Variants in UST observed in about 807,000 individuals in gnomAD.
The protein encoded by UST is chondroitin sulfate 2-O-sulfotransferase.
UST carries 21 observed loss-of-function variants against 45.6 expected under a neutral mutation model. That is an observed-to-expected ratio of 0.46 (90% CI 0.33 to 0.66). The LOEUF (loss-of-function observed/expected upper bound fraction) is 0.66, where lower values mean the gene tolerates loss of function less well. Among genes scored for constraint, UST ranks in the 30% least tolerant of loss-of-function variants. The pLI is 0.02. For synonymous variants in UST, 215 were observed against 200.6 expected, an observed-to-expected ratio of 1.07 and a Z score of -0.61; for missense variants, 463 against 512.4, an observed-to-expected ratio of 0.90 and a Z score of 0.93.
At chr6:149,030,245 C>T (rs9377188) in intron 7 of UST, among the ~76,000 whole-genome samples, 108,655 of 152,076 alleles carry the variant, frequency 0.71, 39,498 homozygotes, top group African/African-American at 0.83. Context: ...AAACATAAAT[C>T]TGTGATTCCT....
chr6:148,747,115 G>T lies in UST; in HGVS notation c.-316G>T, dbSNP rs1482248832. On this transcript the variant is annotated 5_prime_UTR_variant, in exon 1 of 8. Coordinates refer to ENST00000367463, the MANE Select transcript of UST (RefSeq NM_005715.3). The stretch of plus-strand genomic sequence containing the variant: ...ACGCTGGCGCTGGAGGCGAGCCCCG[G>T]CGGCCGCAAGCGAGCCCGAGGCGCG... 6.6e-6 allele frequency among the ~76,000 whole-genome samples: 1 copy of T among 150,542 alleles called. No homozygotes were observed. The highest frequency in any genetic ancestry group is 1.5e-5 in the Non-Finnish European group (1 of 67,400).
intron 4 of UST, among the ~76,000 whole-genome samples, chr6:148,959,251 T>C (rs1394086141): frequency 6.6e-6 from 1 of 152,240 alleles, no homozygotes; most frequent in Non-Finnish European, 1.5e-5. Context: ...CAGACTTCGC[T>C]AATTCCACAA....
At chr6:149,039,824 C>CT (rs1020372906) in intron 7 of UST, among the ~76,000 whole-genome samples, 10 of 152,208 alleles carry the variant, frequency 6.6e-5, no homozygotes, top group Admixed American at 3.3e-4. Flanking sequence ...GAGGAGTCCT[C>CT]TTTTTTTTGG....
chr6:149,003,798 A>C (rs1268602050), intron 5 of UST, among the ~76,000 whole-genome samples: 1 of 152,178 alleles, frequency 6.6e-6, no homozygotes. Context: ...TGGCTTTTAG[A>C]AGGTTCAGAG....
chr6:148,791,530 G>C (rs1776847742), intron 1 of UST, among the ~76,000 whole-genome samples: 1 of 152,156 alleles, frequency 6.6e-6, no homozygotes, highest in Non-Finnish European at 1.5e-5. Context: ...CCACTCAATT[G>C]CTCACTGGGG....
chr6:149,067,055 T>C (rs1478144225), intron 7 of UST, among the ~76,000 whole-genome samples: 1 of 152,130 alleles, frequency 6.6e-6, no homozygotes, highest in Non-Finnish European at 1.5e-5. Context: ...AATGTGGCAA[T>C]TTTGAAGAGT....
At chr6:148,806,711 T>C (rs1243665433) in intron 1 of UST, among the ~76,000 whole-genome samples, 1 of 152,196 alleles carries the variant, frequency 6.6e-6, no homozygotes. Context: ...CTCACTGGTC[T>C]GGAGGCTGGG....
At chr6:148,861,688 G>A (rs1778316271) in intron 1 of UST, among the ~76,000 whole-genome samples, 1 of 152,138 alleles carries the variant, frequency 6.6e-6, no homozygotes, top group African/African-American at 2.4e-5. Flanking sequence ...AGAGATTCTG[G>A]TATGTTGTGT....
At chr6:148,770,831 T>A (rs1167518075) in intron 1 of UST, among the ~76,000 whole-genome samples, 1 of 152,186 alleles carries the variant, frequency 6.6e-6, no homozygotes. Context: ...GGTCAACATG[T>A]CACCGAGGTC....
chr6:149,029,950 A>ATT (rs1429959934), intron 7 of UST, among the ~76,000 whole-genome samples: 1 of 150,180 alleles, frequency 6.7e-6, no homozygotes. Flanking sequence ...TAGACTCCTT[A>ATT]TTATATAGCA....
chr6:148,755,801 C>T (rs1283012981), intron 1 of UST, among the ~76,000 whole-genome samples: 1 of 152,072 alleles, frequency 6.6e-6, no homozygotes, highest in African/African-American at 2.4e-5. Context: ...TTCCTGCCAC[C>T]TCCACAGAGC....
intron 4 of UST, among the ~76,000 whole-genome samples, chr6:148,963,522 T>C (rs1359141704): frequency 5.9e-5 from 9 of 152,244 alleles, no homozygotes; most frequent in African/African-American, 1.9e-4. Flanking sequence ...TGGATTCATC[T>C]AATCCTTTCA....
intron 1 of UST, among the ~76,000 whole-genome samples, chr6:148,753,205 T>C (rs9485327): frequency 0.04 from 6,050 of 152,312 alleles, 125 homozygotes; most frequent in Non-Finnish European, 0.042. Flanking sequence ...GCTTTTAATA[T>C]ATTATAGATA....
chr6:148,989,089 C>T (rs909403031), intron 5 of UST, among the ~76,000 whole-genome samples: 1 of 152,060 alleles, frequency 6.6e-6, no homozygotes, highest in African/African-American at 2.4e-5. Context: ...GCTTTGAAAA[C>T]ACAAGAGGCA....
Position 148,942,700 on chromosome 6 carries a change from G to A in UST, c.447+1266G>A, listed in dbSNP as rs190261511. ...ATCTCATTCTTAATTTACCAATTGC[G>A]TATTTCCATTTTATCTTGGGGGAAA... On this transcript the variant is annotated intron_variant, in intron 3 of 7. Coordinates refer to ENST00000367463, the MANE Select transcript of UST (RefSeq NM_005715.3). Among the ~76,000 whole-genome samples, 29 of 152,156 alleles carry A rather than the reference G, an allele frequency of 1.9e-4. No homozygotes were observed. The East Asian group carries it at 4.2e-3, about 22-fold the overall frequency.
chr6:148,768,673 G>A (rs1776364265), intron 1 of UST, among the ~76,000 whole-genome samples: 1 of 152,122 alleles, frequency 6.6e-6, no homozygotes, highest in Admixed American at 6.5e-5. Flanking sequence ...TGGAAACAAA[G>A]TCGTCATTTT....
At chr6:148,832,531 TC>T (rs988203134) in intron 1 of UST, among the ~76,000 whole-genome samples, 2 of 152,244 alleles carry the variant, frequency 1.3e-5, no homozygotes, top group Admixed American at 1.3e-4. Context: ...CTGATCAGCA[TC>T]CCATAGAGTG....
chr6:148,815,997 T>A (rs1207236211), intron 1 of UST, among the ~76,000 whole-genome samples: 5 of 152,222 alleles, frequency 3.3e-5, no homozygotes, highest in Non-Finnish European at 7.3e-5. Flanking sequence ...ACAGACCTGA[T>A]GTGTTTCATG....
intron 4 of UST, among the ~76,000 whole-genome samples, chr6:148,960,585 T>C (rs1305457747): frequency 6.6e-6 from 1 of 152,232 alleles, no homozygotes; most frequent in African/African-American, 2.4e-5. Context: ...TTTTGTTGAA[T>C]GGGCAGAGTT....
Sources: gnomAD v4.1 joint callset for allele counts (sites outside exome capture counted in the v4.1 genomes callset) on GRCh38, gnomAD v4.1.1 for gene constraint, MANE v1.5 for transcripts, NCBI Gene and HGNC (gene_info 2026-07-23, HGNC 2026-07-21) for gene names.